Variants in TANGO2 observed in about 807,000 individuals in gnomAD.
TANGO2 encodes transport and golgi organization 2 homolog, also known as transport and Golgi organization protein 2 homolog.
A neutral mutation model predicts 39.1 loss-of-function variants in TANGO2; 26 were observed. The observed-to-expected ratio is 0.67, with a 90% CI of 0.49 to 0.92. TANGO2 has a LOEUF of 0.92. Among genes scored for constraint, TANGO2 ranks in the 40% least tolerant of loss-of-function variants. The pLI is 0.00. For synonymous variants in TANGO2, 131 were observed against 144.5 expected (o/e 0.91, Z 0.67); for missense variants, 326 against 360.1 (o/e 0.91, Z 0.77).
At chr22:20,023,525 T>G (rs1370501252) in intron 1 of TANGO2, among the ~76,000 whole-genome samples, 1 of 152,180 alleles carries the variant, frequency 6.6e-6, no homozygotes, top group Non-Finnish European at 1.5e-5. Flanking sequence ...CCGGAAGCAT[T>G]GTGAAGATCT....
chr22:20,065,343 CTCTT>C lies in TANGO2; in HGVS notation c.*683_*686del, dbSNP rs1253887380. ...AGAAGACCTGAGAAAAACCCACTCTCTCTTTTTTTTTTTTTTGAGACGGAGTCTT... is the reference window on the plus strand; with the variant it reads ...AGAAGACCTGAGAAAAACCCACTCTCTTTTTTTTTTTTGAGACGGAGTCTT... On this transcript the variant is annotated 3_prime_UTR_variant, in exon 9 of 9. Coordinates refer to ENST00000327374, the MANE Select transcript of TANGO2 (RefSeq NM_152906.7). The C allele has an allele frequency of 2.6e-5, 4 of 151,856 alleles. No homozygotes were observed. In the East Asian group the frequency reaches 5.8e-4, roughly 22 times the overall value. 9.4% of individuals were successfully genotyped at this position (151,856 alleles called of 1,614,324 possible). A position where few individuals can be genotyped will look rare whatever the true frequency, so the allele number is the denominator to read the frequency against.
chr22:20,033,119 G>A (rs753793814), intron 1 of TANGO2: 3 of 476,848 alleles, frequency 6.3e-6, no homozygotes, highest in East Asian at 1.4e-4. Context: ...GGGCCGGTGG[G>A]CAGTGGGCCT....
rs1323876091 is a variant in TANGO2 at position 20,042,588 on chromosome 22, A to C, written c.57-767A>C. 3.3e-5 allele frequency among the ~76,000 whole-genome samples: 5 copies of C among 151,852 alleles called. No individual in the cohort carries two copies. In the East Asian group the frequency reaches 9.8e-4, roughly 30 times the overall value. ...AGACCAGCTTGGCCAACATGGTGAA[A>C]CCCCATCTCTACTAAAAATACAAAA... On this transcript the variant is annotated intron_variant, in intron 2 of 8. Transcript: ENST00000327374.
chr22:20,053,405 C>A, intron 4 of TANGO2, 32 bp from the exon 5 acceptor site: 2 of 1,463,954 alleles, frequency 1.4e-6, no homozygotes, highest in Non-Finnish European at 1.9e-6. Flanking sequence ...ATGCCTGCAG[C>A]TGTGGACACA....
At chr22:20,023,031 C>G (rs550217023) in intron 1 of TANGO2, among the ~76,000 whole-genome samples, 1 of 152,330 alleles carries the variant, frequency 6.6e-6, no homozygotes, top group South Asian at 2.1e-4. Context: ...TCCGTGAAAA[C>G]AAGGTCACCC....
chr22:20,040,599 A>G (rs879520661), intron 2 of TANGO2, among the ~76,000 whole-genome samples: 2 of 152,148 alleles, frequency 1.3e-5, no homozygotes, highest in Non-Finnish European at 2.9e-5. Flanking sequence ...CATCCCCACC[A>G]TAGCACTCAG....
intron 3 of TANGO2, among the ~76,000 whole-genome samples, chr22:20,048,900 C>T (rs1330781976): frequency 6.6e-6 from 1 of 152,216 alleles, no homozygotes; most frequent in African/African-American, 2.4e-5. Context: ...CTGCCTTGGC[C>T]TCCCAAAGTG....
chr22:20,040,995 G>A (rs1037891074), intron 2 of TANGO2, among the ~76,000 whole-genome samples: 9 of 152,176 alleles, frequency 5.9e-5, no homozygotes, highest in African/African-American at 2.2e-4. Context: ...CAGACCCCAA[G>A]GGCTCTAGGG....
intron 1 of TANGO2, among the ~76,000 whole-genome samples, chr22:20,032,660 C>A (rs2042090453): frequency 6.6e-6 from 1 of 152,234 alleles, no homozygotes; most frequent in Admixed American, 6.5e-5. Flanking sequence ...CAGGGCGGAG[C>A]CTCACCTGGA....
intron 1 of TANGO2, among the ~76,000 whole-genome samples, chr22:20,032,831 C>T (rs1251614018): frequency 6.6e-6 from 1 of 152,184 alleles, no homozygotes; most frequent in Admixed American, 6.5e-5. Flanking sequence ...TGGTCCTGGC[C>T]ACCCGTGTGC....
At chr22:20,041,674 C>T (rs2043969180) in intron 2 of TANGO2, among the ~76,000 whole-genome samples, 1 of 152,018 alleles carries the variant, frequency 6.6e-6, no homozygotes, top group South Asian at 2.1e-4. Context: ...TCTTGAACTC[C>T]TGACCTCATG....
At chr22:20,034,717 TA>T (rs762669218) in intron 1 of TANGO2, among the ~76,000 whole-genome samples, 1 of 152,178 alleles carries the variant, frequency 6.6e-6, no homozygotes. Flanking sequence ...AGTCTTCTGT[TA>T]GGTTCTTCAT....
intron 1 of TANGO2, among the ~76,000 whole-genome samples, chr22:20,034,180 CA>C (rs1482394194): frequency 6.9e-6 from 1 of 145,902 alleles, no homozygotes; most frequent in African/African-American, 2.6e-5. Context: ...GCCTGGGCAA[CA>C]GGAGCAAAAA....
chr22:20,024,520 A>G (rs1398939109), intron 1 of TANGO2, among the ~76,000 whole-genome samples: 1 of 152,174 alleles, frequency 6.6e-6, no homozygotes, highest in African/African-American at 2.4e-5. Context: ...TGGGGATTAC[A>G]AGGGATGGGG....
At chr22:20,045,146 A>G (rs2044871829) in intron 3 of TANGO2, among the ~76,000 whole-genome samples, 2 of 152,038 alleles carry the variant, frequency 1.3e-5, no homozygotes, top group Admixed American at 1.3e-4. Context: ...CTTGTTAGAA[A>G]TGAAATCACC....
rs1293731033 is a variant in TANGO2, at chr22:20,065,883, A to AT, written c.*1222dup. Reference sequence around the variant, plus strand: ...AAACTTCATAGGAATCTGTACCTGAATGTGAGCTCCTGATAATAAAACTCT... The same window carrying AT: ...AAACTTCATAGGAATCTGTACCTGAATTGTGAGCTCCTGATAATAAAACTCT... On this transcript the variant is annotated 3_prime_UTR_variant, in exon 9 of 9. Transcript: ENST00000327374. 19 of 152,320 alleles carry AT rather than the reference A, an allele frequency of 1.2e-4. No homozygotes were observed. 9.4% of individuals were successfully genotyped at this position (152,320 alleles called of 1,614,324 possible). A position where few individuals can be genotyped will look rare whatever the true frequency, so the allele number is the denominator to read the frequency against.
intron 1 of TANGO2, among the ~76,000 whole-genome samples, chr22:20,026,138 G>A (rs994788527): frequency 2.6e-5 from 4 of 152,326 alleles, no homozygotes; most frequent in Non-Finnish European, 2.9e-5. Context: ...GGTGGCTCAC[G>A]CCTATAATCC....
chr22:20,040,356 T>C (rs1374236451), intron 2 of TANGO2, among the ~76,000 whole-genome samples: 1 of 152,194 alleles, frequency 6.6e-6, no homozygotes, highest in African/African-American at 2.4e-5. Context: ...TCCCCTTTAT[T>C]TTCCCTTTGT....
Position 20,064,698 on chromosome 22 carries a change from G to T in TANGO2, c.*36G>T. The T allele has an allele frequency of 6.2e-7, 1 of 1,611,610 alleles. No individual in the cohort carries two copies. Among genetic ancestry groups the T allele is most frequent in the Non-Finnish European group, 8.5e-7 (1 of 1,178,722 alleles). Reference sequence around the variant, plus strand: ...GGGCCTGGCCAGTGGGCTCCTGGGGGGCCCTGCCTTGAGGGGCACTGTGGA... The same window carrying T: ...GGGCCTGGCCAGTGGGCTCCTGGGGTGCCCTGCCTTGAGGGGCACTGTGGA... On this transcript the variant is annotated 3_prime_UTR_variant, in exon 9 of 9. Transcript: ENST00000327374.
Sources: allele counts gnomAD v4.1 joint callset (sites outside exome capture counted in the v4.1 genomes callset), GRCh38; gene constraint gnomAD v4.1.1; transcripts MANE v1.5; gene names NCBI Gene and HGNC (gene_info 2026-07-23, HGNC 2026-07-21).